The following SLC35F4 variants were observed in gnomAD, a reference collection of about 807,000 sequenced individuals.
SLC35F4 encodes the protein solute carrier family 35 member F4, also known as chromosome 14 open reading frame 36.
Under a neutral mutation model 44.2 loss-of-function variants are expected in SLC35F4, and 24 were observed. That is an observed-to-expected ratio of 0.54 (90% CI 0.39 to 0.76). The LOEUF (loss-of-function observed/expected upper bound fraction) is 0.76, where lower values mean the gene tolerates loss of function less well. Ranked by LOEUF, SLC35F4 falls within the 30% of genes least tolerant of loss-of-function variation. The pLI, the probability that SLC35F4 is intolerant of heterozygous loss-of-function variation, is 0.00. For missense variants in SLC35F4, 562 were observed against 586.1 expected, an observed-to-expected ratio of 0.96 and a Z score of 0.42; for synonymous variants, 238 against 223.6, an observed-to-expected ratio of 1.06 and a Z score of -0.57.
At chr14:57,707,387 G>A (rs891534109) in intron 1 of SLC35F4, among the ~76,000 whole-genome samples, 8 of 152,132 alleles carry the variant, frequency 5.3e-5, no homozygotes, top group Admixed American at 1.3e-4. Context: ...GATAGTGAGT[G>A]AGTTCTCATG....
intron 1 of SLC35F4, among the ~76,000 whole-genome samples, chr14:57,964,424 C>T (rs1290183051): frequency 1.3e-5 from 2 of 152,040 alleles, no homozygotes; most frequent in Non-Finnish European, 2.9e-5. Context: ...AAAATCAAAG[C>T]TCTTGCAGGA....
chr14:57,800,746 C>T (rs1258920392), intron 1 of SLC35F4, among the ~76,000 whole-genome samples: 2 of 151,554 alleles, frequency 1.3e-5, no homozygotes, highest in African/African-American at 4.9e-5. Context: ...GTAGAATGGA[C>T]CAAGTGGAGG....
chr14:57,591,332 G>A (rs997939881), intron 2 of SLC35F4, among the ~76,000 whole-genome samples: 2 of 152,210 alleles, frequency 1.3e-5, no homozygotes, highest in Non-Finnish European at 2.9e-5. Flanking sequence ...CCATGGTGCA[G>A]TGACACTGAG....
At chr14:57,943,892 A>G (rs1033744708) in intron 1 of SLC35F4, among the ~76,000 whole-genome samples, 12 of 152,186 alleles carry the variant, frequency 7.9e-5, no homozygotes, top group African/African-American at 2.9e-4. Context: ...GTGAATTGGC[A>G]GGGCTGAAGA....
At chr14:57,876,843 C>A (rs905497927) in intron 1 of SLC35F4, among the ~76,000 whole-genome samples, 3 of 152,140 alleles carry the variant, frequency 2.0e-5, no homozygotes, top group Admixed American at 6.6e-5. Context: ...GGTTTAAAGA[C>A]TAGTGGGCTA....
At chr14:57,618,522 TC>T (rs1225603007) in intron 1 of SLC35F4, among the ~76,000 whole-genome samples, 1 of 152,154 alleles carries the variant, frequency 6.6e-6, no homozygotes, top group Non-Finnish European at 1.5e-5. Flanking sequence ...ACTGCGCTTT[TC>T]CCATGGTCTT....
chr14:57,777,830 G>A (rs1223460052), intron 1 of SLC35F4, among the ~76,000 whole-genome samples: 1 of 150,938 alleles, frequency 6.6e-6, no homozygotes, highest in Non-Finnish European at 1.5e-5. Flanking sequence ...AGAAAGGCAA[G>A]ACCCAATGGT....
intron 1 of SLC35F4, among the ~76,000 whole-genome samples, chr14:57,738,975 C>T (rs2076537832): frequency 6.6e-6 from 1 of 151,532 alleles, no homozygotes; most frequent in Non-Finnish European, 1.5e-5. Flanking sequence ...AACTTTCACT[C>T]TCTTTGCAAC....
chr14:57,774,021 C>T (rs2077430041), intron 1 of SLC35F4, among the ~76,000 whole-genome samples: 1 of 152,130 alleles, frequency 6.6e-6, no homozygotes. Context: ...CTTTGATACA[C>T]CATCCATGTA....
At chr14:57,564,597 A>G (rs2068112299) in intron 7 of SLC35F4, among the ~76,000 whole-genome samples, 1 of 152,180 alleles carries the variant, frequency 6.6e-6, no homozygotes. Context: ...AATCTGACTT[A>G]GTTATCTCCC....
chr14:57,777,984 T>C (rs2077531238), intron 1 of SLC35F4, among the ~76,000 whole-genome samples: 1 of 152,052 alleles, frequency 6.6e-6, no homozygotes, highest in African/African-American at 2.4e-5. Context: ...CCAAATCTCA[T>C]CTTGAATTGT....
chr14:57,736,694 A>T (rs1465458558), intron 1 of SLC35F4, among the ~76,000 whole-genome samples: 2 of 152,108 alleles, frequency 1.3e-5, no homozygotes, highest in East Asian at 3.9e-4. Context: ...CATGAACCTG[A>T]CCCTTGTGTC....
intron 1 of SLC35F4, among the ~76,000 whole-genome samples, chr14:57,607,491 A>G (rs1326770232): frequency 6.6e-6 from 1 of 152,208 alleles, no homozygotes. Context: ...AGATGGGCTG[A>G]AACAGTCTTT....
intron 1 of SLC35F4, among the ~76,000 whole-genome samples, chr14:57,934,742 C>T (rs1889766348): frequency 6.6e-6 from 1 of 152,064 alleles, no homozygotes; most frequent in Non-Finnish European, 1.5e-5. Context: ...AATAGCAGAG[C>T]TTTTTCTCTT....
intron 1 of SLC35F4, among the ~76,000 whole-genome samples, chr14:57,772,360 T>C (rs2077385153): frequency 6.8e-6 from 1 of 145,988 alleles, no homozygotes; most frequent in African/African-American, 2.6e-5. Flanking sequence ...TCACTGTTTT[T>C]TTTGTTTGTT....
intron 1 of SLC35F4, among the ~76,000 whole-genome samples, chr14:57,880,413 A>G (rs1406058923): frequency 6.6e-6 from 1 of 152,158 alleles, no homozygotes; most frequent in Non-Finnish European, 1.5e-5. Flanking sequence ...TACCTCAAGA[A>G]GGAGTAAAAT....
At chr14:57,649,974 A>G (rs781569414) in intron 1 of SLC35F4, among the ~76,000 whole-genome samples, 60 of 152,006 alleles carry the variant, frequency 3.9e-4, no homozygotes, top group Non-Finnish European at 5.9e-5. Flanking sequence ...AGCACTGGGT[A>G]TATTGGACCT....
intron 1 of SLC35F4, among the ~76,000 whole-genome samples, chr14:57,649,213 G>GT (rs1205902025): frequency 6.6e-6 from 1 of 152,010 alleles, no homozygotes; most frequent in Non-Finnish European, 1.5e-5. Flanking sequence ...TTTTCTATTA[G>GT]TTTCCTCTTG....
At chr14:57,710,302 C>A (rs1264188848) in intron 1 of SLC35F4, among the ~76,000 whole-genome samples, 1 of 152,188 alleles carries the variant, frequency 6.6e-6, no homozygotes, top group Non-Finnish European at 1.5e-5. Flanking sequence ...AAGAATTGAG[C>A]TTTTGGAACC....
Sources: gnomAD v4.1 joint callset for allele counts (sites outside exome capture counted in the v4.1 genomes callset) on GRCh38, gnomAD v4.1.1 for gene constraint, MANE v1.5 for transcripts, NCBI Gene and HGNC (gene_info 2026-07-23, HGNC 2026-07-21) for gene names.